The following ERBB4 variants were observed in gnomAD, a reference collection of about 807,000 sequenced individuals.
The protein encoded by ERBB4 is receptor tyrosine-protein kinase erbB-4.
ERBB4 carries 42 observed loss-of-function variants against 158.0 expected under a neutral mutation model. That is an observed-to-expected ratio of 0.27 (90% CI 0.21 to 0.34). The LOEUF is 0.34. Ranked by LOEUF, ERBB4 falls within the 10% of genes least tolerant of loss-of-function variation. The pLI, the probability that ERBB4 is intolerant of heterozygous loss-of-function variation, is 1.00. For synonymous variants in ERBB4, 583 were observed against 558.7 expected, an observed-to-expected ratio of 1.04 and a Z score of -0.61; for missense variants, 1,333 against 1,624.1, an observed-to-expected ratio of 0.82 and a Z score of 3.08.
chr2:211,908,189 G>A (rs1009726662), intron 3 of ERBB4, among the ~76,000 whole-genome samples: 1 of 151,834 alleles, frequency 6.6e-6, no homozygotes, highest in Non-Finnish European at 1.5e-5. Flanking sequence ...GAGCGGTTAA[G>A]GAGAGCTTGG....
rs1026859885 is a variant in ERBB4, at chr2:212,392,527, G to C, written c.82+145922C>G. Among the ~76,000 whole-genome samples, 7 of 152,060 alleles carry C rather than the reference G, an allele frequency of 4.6e-5. 1 individual carries two copies. Among genetic ancestry groups the C allele is most frequent in the Middle Eastern group, 3.4e-3 (1 of 294 alleles). On this transcript the variant is annotated intron_variant, in intron 1 of 27. Coordinates refer to ENST00000342788, the MANE Select transcript of ERBB4 (RefSeq NM_005235.3). Reference sequence around the variant, plus strand: ...TGAGACCTGTTTGGTAATAAATTCTGCTAGGTAACAAAGATATACAGAACT... The same window carrying C: ...TGAGACCTGTTTGGTAATAAATTCTCCTAGGTAACAAAGATATACAGAACT...
chr2:211,478,841 T>C (rs1481856784), intron 20 of ERBB4, among the ~76,000 whole-genome samples: 4 of 152,072 alleles, frequency 2.6e-5, no homozygotes, highest in Non-Finnish European at 5.9e-5. Flanking sequence ...ACAAAACCAA[T>C]TCCAGGAAAA....
chr2:211,671,995 C>T (rs2071861325), intron 14 of ERBB4, among the ~76,000 whole-genome samples: 1 of 152,108 alleles, frequency 6.6e-6, no homozygotes, highest in Non-Finnish European at 1.5e-5. Flanking sequence ...TCACACCAAG[C>T]AACACCACTT....
chr2:212,090,598 T>G (rs556748763), intron 2 of ERBB4, among the ~76,000 whole-genome samples: 147 of 152,256 alleles, frequency 9.7e-4, no homozygotes, highest in African/African-American at 3.2e-3. Context: ...CATTTAGACA[T>G]GCTTGCTCCA....
At chr2:211,404,497 C>T (rs1165392301) in intron 25 of ERBB4, among the ~76,000 whole-genome samples, 1 of 152,052 alleles carries the variant, frequency 6.6e-6, no homozygotes, top group African/African-American at 2.4e-5. Flanking sequence ...CCTCAATGTC[C>T]CTCAATTTAA....
At chr2:212,129,430 TA>T (rs1223619841) in intron 1 of ERBB4, among the ~76,000 whole-genome samples, 1 of 151,268 alleles carries the variant, frequency 6.6e-6, no homozygotes, top group East Asian at 1.9e-4. Context: ...TCCAATATAA[TA>T]TAATATTATA....
rs5838309 is a variant in ERBB4 at position 212,206,589 on chromosome 2, C to CTTTTTTTT, written c.83-81694_83-81687dup. ...ATGAACTGTCTCCGTCTGTTCTGTTCTTTTTTTTTTTTTTTTGAGACGGAG... is the reference window on the plus strand; with the variant it reads ...ATGAACTGTCTCCGTCTGTTCTGTTCTTTTTTTTTTTTTTTTTTTTTTTTGAGACGGAG... On this transcript the variant is annotated intron_variant, in intron 1 of 27. Transcript: ENST00000342788. Among the ~76,000 whole-genome samples the CTTTTTTTT allele has an allele frequency of 4.9e-4, 57 of 116,416 alleles. 5 individuals carry two copies. The highest frequency in any genetic ancestry group is 6.3e-4 in the Non-Finnish European group (35 of 55,870). The allele number at this position is 116,416 out of a possible 152,430, so 76.4% of individuals were successfully genotyped here. A position where few individuals can be genotyped will look rare whatever the true frequency, so the allele number is the denominator to read the frequency against.
At chr2:212,496,115 G>A (rs1018452705) in intron 1 of ERBB4, among the ~76,000 whole-genome samples, 1 of 151,946 alleles carries the variant, frequency 6.6e-6, no homozygotes, top group African/African-American at 2.4e-5. Context: ...CAAACTTTCA[G>A]AGGTTGTCTT....
chr2:211,687,242 T>G (rs1259110284), intron 12 of ERBB4, among the ~76,000 whole-genome samples: 1 of 149,530 alleles, frequency 6.7e-6, no homozygotes, highest in Non-Finnish European at 1.5e-5. Flanking sequence ...GAGGCGGAGC[T>G]TGCAGTGAGC....
intron 20 of ERBB4, among the ~76,000 whole-genome samples, chr2:211,515,913 T>TATATATATATATATATACATATATA (rs71054105): frequency 3.5e-5 from 2 of 57,372 alleles, no homozygotes; most frequent in East Asian, 3.6e-4. Flanking sequence ...TATATATATA[T>TATATATATATATATATACATATATA]TTTTTTTTTT....
intron 3 of ERBB4, among the ~76,000 whole-genome samples, chr2:211,869,561 T>A (rs2078290901): frequency 1.3e-5 from 2 of 152,192 alleles, no homozygotes; most frequent in South Asian, 4.1e-4. Context: ...GGCCAACTTG[T>A]TATTTTAGTA....
At chr2:212,227,807 T>C (rs1441907231) in intron 1 of ERBB4, among the ~76,000 whole-genome samples, 1 of 151,838 alleles carries the variant, frequency 6.6e-6, no homozygotes, top group African/African-American at 2.4e-5. Flanking sequence ...TGAAACCTGA[T>C]AGATTACTGT....
intron 2 of ERBB4, among the ~76,000 whole-genome samples, chr2:212,026,649 G>T (rs546438275): frequency 6.6e-6 from 1 of 151,764 alleles, no homozygotes; most frequent in Non-Finnish European, 1.5e-5. Context: ...TTTCAAAATG[G>T]AATATGAATC....
intron 9 of ERBB4, among the ~76,000 whole-genome samples, chr2:211,711,594 G>A (rs1278871018): frequency 1.3e-5 from 2 of 152,106 alleles, no homozygotes; most frequent in African/African-American, 2.4e-5. Context: ...TCAGGACAAA[G>A]AATTTCTGGA....
chr2:211,983,670 G>C (rs1259354706), intron 2 of ERBB4, among the ~76,000 whole-genome samples: 2 of 152,204 alleles, frequency 1.3e-5, no homozygotes, highest in South Asian at 2.1e-4. Flanking sequence ...AGAAAACACT[G>C]ACATTTGGTT....
rs558957107 is a variant in ERBB4, at chr2:211,926,125, G to C, written c.421+21305C>G. On this transcript the variant is annotated intron_variant, in intron 3 of 27. Transcript: ENST00000342788. ...TGTCTCGGAGCCACGTTAAGCGCCA[G>C]TCCTGACATGGCTGAGAGCATAACT... Among the ~76,000 whole-genome samples the C allele has an allele frequency of 2.0e-5, 3 of 152,286 alleles. No individual in the cohort carries two copies. In the South Asian group the frequency reaches 6.2e-4, roughly 32 times the overall value.
At chr2:212,308,537 T>C (rs1385967996) in intron 1 of ERBB4, among the ~76,000 whole-genome samples, 1 of 151,048 alleles carries the variant, frequency 6.6e-6, no homozygotes, top group Non-Finnish European at 1.5e-5. Context: ...TTTGAAGTTA[T>C]ATAGTTTGAC....
At chr2:211,422,246 G>T in intron 23 of ERBB4, 142 bp from the exon 24 acceptor site, 8 of 565,278 alleles carry the variant, frequency 1.4e-5, no homozygotes, top group African/African-American at 3.8e-5. Flanking sequence ...GCTAGTGAAA[G>T]AAACGACTCA....
chr2:212,312,877 A>G (rs1286490588), intron 1 of ERBB4, among the ~76,000 whole-genome samples: 2 of 150,942 alleles, frequency 1.3e-5, no homozygotes, highest in Non-Finnish European at 3.0e-5. Flanking sequence ...AATCATTTTG[A>G]TTGTAAATTT....
Sources: allele counts gnomAD v4.1 joint callset (sites outside exome capture counted in the v4.1 genomes callset), GRCh38; gene constraint gnomAD v4.1.1; transcripts MANE v1.5; gene names NCBI Gene and HGNC (gene_info 2026-07-23, HGNC 2026-07-21).